Variants in GRM1 observed in about 807,000 individuals in gnomAD.
GRM1 encodes the protein glutamate metabotropic receptor 1.
Under a neutral mutation model 90.9 loss-of-function variants are expected in GRM1, and 33 were observed. The ratio of observed to expected loss-of-function variants is 0.36; its 90% confidence interval spans 0.28 to 0.49. The LOEUF (loss-of-function observed/expected upper bound fraction) is 0.49, where lower values mean the gene tolerates loss of function less well. GRM1 is among the 20% of genes least tolerant of loss of function. The pLI, the probability that GRM1 is intolerant of heterozygous loss-of-function variation, is 0.99. For missense variants in GRM1, 1,190 were observed against 1,534.3 expected, an observed-to-expected ratio of 0.78 and a Z score of 3.75; for synonymous variants, 700 against 613.2, an observed-to-expected ratio of 1.14 and a Z score of -2.09.
chr6:146,143,589 A>G (rs572327685), intron 1 of GRM1, among the ~76,000 whole-genome samples: 1 of 152,364 alleles, frequency 6.6e-6, no homozygotes, highest in South Asian at 2.1e-4. Context: ...CTGCATACCT[A>G]AAAATGAATA....
intron 5 of GRM1, among the ~76,000 whole-genome samples, chr6:146,386,467 A>C (rs1160800873): frequency 6.6e-6 from 1 of 152,156 alleles, no homozygotes; most frequent in African/African-American, 2.4e-5. Context: ...TTGTATAATT[A>C]CTTAGCTTTG....
chr6:146,416,642 C>T (rs989117297), intron 7 of GRM1, among the ~76,000 whole-genome samples: 11 of 152,152 alleles, frequency 7.2e-5, no homozygotes, highest in Admixed American at 1.3e-4. Flanking sequence ...TTCTCCTTTA[C>T]GTTATAATCC....
chr6:146,329,522 G>C (rs1319857190), intron 3 of GRM1, among the ~76,000 whole-genome samples: 1 of 152,074 alleles, frequency 6.6e-6, no homozygotes, highest in African/African-American at 2.4e-5. Context: ...CAAGAGTTTG[G>C]GTTCCTTAGA....
chr6:146,212,181 A>G lies in GRM1; in HGVS notation c.950+52584A>G, dbSNP rs578167611. On this transcript the variant is annotated intron_variant, in intron 2 of 7. Transcript: ENST00000282753. ...TTGATTATGGATTTTGAAAATATCA[A>G]CAAAATGCCTTCACAGCAACATGTG... is the stretch of plus-strand genomic sequence containing the variant. Among the ~76,000 whole-genome samples, 5 of 152,328 alleles carry G rather than the reference A, an allele frequency of 3.3e-5. No individual in the cohort carries two copies. The South Asian group carries it at 1.0e-3, about 32-fold the overall frequency.
chr6:146,048,457 A>T lies in GRM1; in HGVS notation c.700+18240A>T, dbSNP rs189667924. Among the ~76,000 whole-genome samples the T allele has an allele frequency of 3.3e-5, 5 of 152,134 alleles. No homozygotes were observed. In the East Asian group the frequency reaches 5.8e-4, roughly 18 times the overall value. On this transcript the variant is annotated intron_variant, in intron 1 of 7. Transcript: ENST00000282753. Reference sequence around the variant, plus strand: ...CAAAACATATGCCATTAAAACCATTAAAACATATGCTTTTTCAAAACATTT... The same window carrying T: ...CAAAACATATGCCATTAAAACCATTTAAACATATGCTTTTTCAAAACATTT...
At chr6:146,193,704 A>G (rs1281436859) in intron 2 of GRM1, among the ~76,000 whole-genome samples, 2 of 152,066 alleles carry the variant, frequency 1.3e-5, no homozygotes, top group Admixed American at 1.3e-4. Flanking sequence ...TTTTTTTAAC[A>G]TCATGTTTTT....
rs183359791 is a variant in GRM1, at chr6:146,257,937, A to C, written c.951-46674A>C. Among the ~76,000 whole-genome samples the C allele has an allele frequency of 5.2e-3, 784 of 152,044 alleles. 10 individuals are homozygous for C. In the Middle Eastern group the frequency reaches 0.078, roughly 15 times the overall value. On this transcript the variant is annotated intron_variant, in intron 2 of 7. Transcript: ENST00000282753. The stretch of plus-strand genomic sequence containing the variant: ...TCAAGTTGACACATAAAATTAACCA[A>C]CACATCCAGGATACACACGGAACAC...
intron 1 of GRM1, among the ~76,000 whole-genome samples, chr6:146,072,444 C>CA (rs1270102385): frequency 6.6e-6 from 1 of 152,048 alleles, no homozygotes. Context: ...AAAGAAGAAC[C>CA]AATGGATAAA....
intron 3 of GRM1, among the ~76,000 whole-genome samples, chr6:146,335,152 C>A (rs1784725080): frequency 6.6e-6 from 1 of 152,134 alleles, no homozygotes; most frequent in Non-Finnish European, 1.5e-5. Flanking sequence ...CAAATGAAAT[C>A]TGCAGCCTCT....
chr6:146,325,538 G>T lies in GRM1; in HGVS notation c.1186+20692G>T, dbSNP rs142540234. Among the ~76,000 whole-genome samples, 70 of 152,300 alleles carry T rather than the reference G, an allele frequency of 4.6e-4. No homozygotes were observed. In the East Asian group the frequency reaches 0.013, roughly 28 times the overall value. On this transcript the variant is annotated intron_variant, in intron 3 of 7. Coordinates refer to ENST00000282753, the MANE Select transcript of GRM1 (RefSeq NM_001278064.2). The stretch of plus-strand genomic sequence containing the variant: ...TTACCCTAGGAATAAAATGGCCTCA[G>T]CCTGGCTGTACCATGCTCTCTTAGT...
intron 1 of GRM1, among the ~76,000 whole-genome samples, chr6:146,036,259 G>T (rs1490875910): frequency 6.6e-6 from 1 of 151,918 alleles, no homozygotes; most frequent in Non-Finnish European, 1.5e-5. Flanking sequence ...ATCCAGAAAA[G>T]AATAGTTTGG....
intron 3 of GRM1, among the ~76,000 whole-genome samples, chr6:146,342,669 A>G (rs905314082): frequency 1.4e-4 from 22 of 152,238 alleles, no homozygotes; most frequent in African/African-American, 5.1e-4. Flanking sequence ...TGAATAGAAC[A>G]GCACATGTAA....
At chr6:146,162,888 A>G (rs1473581003) in intron 2 of GRM1, among the ~76,000 whole-genome samples, 1 of 152,118 alleles carries the variant, frequency 6.6e-6, no homozygotes, top group African/African-American at 2.4e-5. Flanking sequence ...ATATGATCTT[A>G]TTTACTTAGT....
At chr6:146,184,486 G>A (rs1266688669) in intron 2 of GRM1, among the ~76,000 whole-genome samples, 1 of 151,876 alleles carries the variant, frequency 6.6e-6, no homozygotes, top group African/African-American at 2.4e-5. Flanking sequence ...ATGGACTGCT[G>A]TGATAATATA....
At chr6:146,090,007 T>A (rs1297911546) in intron 1 of GRM1, among the ~76,000 whole-genome samples, 1 of 152,152 alleles carries the variant, frequency 6.6e-6, no homozygotes, top group African/African-American at 2.4e-5. Flanking sequence ...GATATTAAAC[T>A]TCAGACCTGT....
chr6:146,316,126 C>A (rs973399735), intron 3 of GRM1, among the ~76,000 whole-genome samples: 1 of 152,144 alleles, frequency 6.6e-6, no homozygotes, highest in Admixed American at 6.5e-5. Context: ...GGTCAGCAGG[C>A]CTGCATTCCT....
chr6:146,111,147 G>T (rs549361053), intron 1 of GRM1, among the ~76,000 whole-genome samples: 1 of 152,260 alleles, frequency 6.6e-6, no homozygotes, highest in African/African-American at 2.4e-5. Flanking sequence ...CTGTGAATGT[G>T]CAGAAGTTTC....
intron 1 of GRM1, 58 bp from the exon 2 acceptor site, chr6:146,159,290 G>T: frequency 6.2e-7 from 1 of 1,606,964 alleles, no homozygotes; most frequent in Non-Finnish European, 8.5e-7. Flanking sequence ...TTATTCCATT[G>T]TGTAAGTAGT....
chr6:146,397,342 C>T (rs987130237), intron 6 of GRM1, among the ~76,000 whole-genome samples: 1 of 151,324 alleles, frequency 6.6e-6, no homozygotes, highest in African/African-American at 2.4e-5. Flanking sequence ...GGCATGGTGG[C>T]GGGTGCCTGT....
Sources: allele counts gnomAD v4.1 joint callset (sites outside exome capture counted in the v4.1 genomes callset), GRCh38; gene constraint gnomAD v4.1.1; transcripts MANE v1.5; gene names NCBI Gene and HGNC (gene_info 2026-07-23, HGNC 2026-07-21).